Variants in CFTR observed in about 807,000 individuals in gnomAD.
The protein encoded by CFTR is cystic fibrosis transmembrane conductance regulator.
A neutral mutation model predicts 171.6 loss-of-function variants in CFTR; 181 were observed. That is an observed-to-expected ratio of 1.05 (90% CI 0.93 to 1.19). The LOEUF is 1.19. Among genes scored for constraint, CFTR ranks in the 50% most tolerant of loss-of-function variants. CFTR has a pLI of 0.00. For missense variants in CFTR, 1,968 were observed against 1,734.7 expected (o/e 1.13, Z -2.39); for synonymous variants, 583 against 608.0 (o/e 0.96, Z 0.60).
intron 11 of CFTR, among the ~76,000 whole-genome samples, chr7:117,583,212 T>C (rs1374700742): frequency 6.6e-6 from 1 of 152,106 alleles, no homozygotes; most frequent in African/African-American, 2.4e-5. Flanking sequence ...GGGCTACAGG[T>C]GGTTTTTGGT....
intron 2 of CFTR, among the ~76,000 whole-genome samples, chr7:117,505,345 C>T (rs1584774851): frequency 6.6e-6 from 1 of 152,196 alleles, no homozygotes; most frequent in African/African-American, 2.4e-5. Flanking sequence ...ACCCAATTTA[C>T]TAGCTTAAGT....
Position 117,642,526 on chromosome 7 carries a change from T to A in CFTR, c.3806T>A (p.Ile1269Asn), listed in dbSNP as rs1562923253. The change falls in exon 23 of 27, where the codon ATC (isoleucine) becomes AAC (asparagine). Residue 1269 changes from isoleucine (I) to asparagine (N), a missense_variant. By Grantham distance (149) the Ile-to-Asn change is moderately radical. Transcript: ENST00000003084. Reference sequence around the variant, plus strand: ...CTGAACACTGAAGGAGAAATCCAGATCGATGGTGTGTCTTGGGATTCAATA... The same window carrying A: ...CTGAACACTGAAGGAGAAATCCAGAACGATGGTGTGTCTTGGGATTCAATA... ...RLLNTEGEIQ[I>N]DGVSWDSITL... 8.1e-6 allele frequency: 13 copies of A among 1,613,610 alleles called. No individual in the cohort carries two copies. Among genetic ancestry groups the A allele is most frequent in the Non-Finnish European group, 1.1e-5 (13 of 1,179,740 alleles).
intron 21 of CFTR, among the ~76,000 whole-genome samples, chr7:117,623,902 G>A (rs375472317): frequency 2.0e-5 from 3 of 152,098 alleles, no homozygotes; most frequent in East Asian, 1.9e-4. Context: ...TTAACATGAA[G>A]CCTATGAGAC....
In CFTR at chr7:117,520,331, T is replaced by A. The variant is rs13220943; in HGVS notation, c.274-10568T>A. Among the ~76,000 whole-genome samples the A allele has an allele frequency of 1.2e-3, 180 of 151,560 alleles. 5 individuals are homozygous for A. The highest frequency in any genetic ancestry group is 1.3e-3 in the Non-Finnish European group (91 of 67,686). The stretch of plus-strand genomic sequence containing the variant: ...AAAATTTTGCTGGCAAATCTATATA[T>A]CTTTTTCTTTGTTTTCTGCTTTGAC... On this transcript the variant is annotated intron_variant, in intron 3 of 26. Coordinates refer to ENST00000003084, the MANE Select transcript of CFTR (RefSeq NM_000492.4).
intron 11 of CFTR, among the ~76,000 whole-genome samples, chr7:117,584,081 G>C (rs1791893441): frequency 6.6e-6 from 1 of 151,656 alleles, no homozygotes; most frequent in East Asian, 1.9e-4. Flanking sequence ...GTCCTTTATC[G>C]GATGCATAGT....
intron 15 of CFTR, among the ~76,000 whole-genome samples, chr7:117,598,578 A>G (rs933912234): frequency 2.0e-5 from 3 of 152,244 alleles, no homozygotes; most frequent in Non-Finnish European, 4.4e-5. Context: ...AAACGTATGT[A>G]CCAAAAATTT....
intron 15 of CFTR, among the ~76,000 whole-genome samples, chr7:117,602,291 C>T (rs1409418948): frequency 3.3e-5 from 5 of 152,226 alleles, no homozygotes; most frequent in African/African-American, 1.2e-4. Context: ...CTGCCTTGGC[C>T]TCCCAAAGTG....
At chr7:117,538,904 C>T (rs549992042) in intron 7 of CFTR, among the ~76,000 whole-genome samples, 1 of 152,284 alleles carries the variant, frequency 6.6e-6, no homozygotes, top group African/African-American at 2.4e-5. Context: ...CCATTTTCTT[C>T]ATCAATGTGC....
chr7:117,634,675 T>C (rs765935418), intron 22 of CFTR, among the ~76,000 whole-genome samples: 9 of 152,134 alleles, frequency 5.9e-5, no homozygotes, highest in Non-Finnish European at 1.2e-4. Flanking sequence ...GTTTGAAATA[T>C]TTTTAAATTT....
intron 9 of CFTR, among the ~76,000 whole-genome samples, chr7:117,544,555 G>A (rs1257338722): frequency 1.3e-5 from 2 of 152,182 alleles, no homozygotes; most frequent in Non-Finnish European, 2.9e-5. Context: ...CTAAGAGAAA[G>A]ATGTATACTT....
intron 23 of CFTR, among the ~76,000 whole-genome samples, chr7:117,651,471 T>C (rs1238610261): frequency 5.3e-5 from 8 of 152,326 alleles, no homozygotes; most frequent in African/African-American, 1.9e-4. Context: ...TCTACTCTCT[T>C]CAGTTTATTC....
intron 23 of CFTR, among the ~76,000 whole-genome samples, chr7:117,646,966 CAAT>C (rs1305516253): frequency 6.6e-6 from 1 of 151,900 alleles, no homozygotes; most frequent in Non-Finnish European, 1.5e-5. Context: ...TTAGAGGAAA[CAAT>C]AATTTGGATA....
chr7:117,596,167 C>G (rs949376834), intron 15 of CFTR, among the ~76,000 whole-genome samples: 1 of 43,660 alleles, frequency 2.3e-5, no homozygotes, highest in African/African-American at 1.0e-4. Context: ...GCTGGGGGAA[C>G]TGGGGCTGCG....
chr7:117,531,242 A>G (rs1173307558), intron 4 of CFTR, 128 bp downstream of exon 4: 1 of 695,280 alleles, frequency 1.4e-6, no homozygotes, highest in African/African-American at 1.8e-5. Context: ...TATGCCTATT[A>G]AATAAATGGC....
rs1562890936 is a variant in CFTR, at chr7:117,536,516, A to G, written c.744-32A>G. 2.1e-6 allele frequency: 2 copies of G among 934,978 alleles called. No individual in the cohort carries two copies. Among genetic ancestry groups the G allele is most frequent in the Non-Finnish European group, 2.7e-6 (2 of 731,932 alleles). 57.9% of individuals were successfully genotyped at this position (934,978 alleles called of 1,614,324 possible). ...TAATTTGACTTGTTTTTACTATTAG[A>G]TTGATTGATTGATTGATTGATTGAT... On this transcript the variant is annotated intron_variant, in intron 6 of 26. Transcript: ENST00000003084.
At chr7:117,575,088 C>G (rs1419139508) in intron 11 of CFTR, among the ~76,000 whole-genome samples, 1 of 152,000 alleles carries the variant, frequency 6.6e-6, no homozygotes, top group Non-Finnish European at 1.5e-5. Flanking sequence ...ATTCAAGAGA[C>G]TTTTCTGACA....
At chr7:117,558,984 A>T (rs952155367) in intron 10 of CFTR, among the ~76,000 whole-genome samples, 1 of 152,232 alleles carries the variant, frequency 6.6e-6, no homozygotes, top group South Asian at 2.1e-4. Context: ...TTTATACTCC[A>T]AGAAAGGCTC....
chr7:117,626,787 TA>T (rs893847916), intron 21 of CFTR, among the ~76,000 whole-genome samples: 27 of 151,974 alleles, frequency 1.8e-4, no homozygotes, highest in East Asian at 5.8e-4. Context: ...ATGTTTTTTT[TA>T]AAAAAAATTG....
intron 24 of CFTR, among the ~76,000 whole-genome samples, chr7:117,656,955 T>C (rs992702865): frequency 6.6e-6 from 1 of 152,288 alleles, no homozygotes; most frequent in African/African-American, 2.4e-5. Flanking sequence ...CCTAATAAAA[T>C]GTACTTAGAT....
Sources: allele counts gnomAD v4.1 joint callset (sites outside exome capture counted in the v4.1 genomes callset), GRCh38; gene constraint gnomAD v4.1.1; transcripts MANE v1.5; gene names NCBI Gene and HGNC (gene_info 2026-07-23, HGNC 2026-07-21).